Variants in ASCC3 observed in about 807,000 individuals in gnomAD.
ASCC3 encodes the protein ASC-1 complex subunit P200.
In ASCC3, 158 loss-of-function variants were observed where a neutral mutation model predicts 256.3. The observed-to-expected ratio is 0.62, with a 90% CI of 0.54 to 0.70. The LOEUF (loss-of-function observed/expected upper bound fraction) is 0.70, where lower values mean the gene tolerates loss of function less well. ASCC3 is among the 30% of genes least tolerant of loss of function. The pLI is 0.00. For missense variants in ASCC3, 2,259 were observed against 2,626.0 expected, an observed-to-expected ratio of 0.86 and a Z score of 3.05; for synonymous variants, 948 against 883.4, an observed-to-expected ratio of 1.07 and a Z score of -1.30.
intron 30 of ASCC3, among the ~76,000 whole-genome samples, chr6:100,613,624 T>C (rs998068578): frequency 4.1e-4 from 62 of 152,306 alleles, no homozygotes; most frequent in African/African-American, 1.5e-3. Context: ...TTGTGAATAG[T>C]GCTGCAATAA....
chr6:100,755,366 C>CTTTTTTT (rs56147910), intron 10 of ASCC3, among the ~76,000 whole-genome samples: 1 of 149,064 alleles, frequency 6.7e-6, no homozygotes, highest in Non-Finnish European at 1.5e-5. Context: ...TGTGCTTCCT[C>CTTTTTTT]TTTTTTTTTT....
chr6:100,746,236 T>A (rs971944557), intron 10 of ASCC3, among the ~76,000 whole-genome samples: 11 of 149,734 alleles, frequency 7.3e-5, no homozygotes, highest in African/African-American at 2.7e-4. Flanking sequence ...TCAATCCCGG[T>A]GATCTACTCC....
At position 100,731,321 on chromosome 6, in the gene ASCC3, C is replaced by A. The variant is rs150811661; in HGVS notation, c.1738-5618G>T. Reference sequence around the variant, plus strand: ...TTCTTTGTGTTAAGACATTTTTCATCAATCTCAGAATATACATACTGAAGT... The same window carrying A: ...TTCTTTGTGTTAAGACATTTTTCATAAATCTCAGAATATACATACTGAAGT... On this transcript the variant is annotated intron_variant, in intron 10 of 41. Transcript: ENST00000369162. Among the ~76,000 whole-genome samples the A allele has an allele frequency of 4.8e-3, 731 of 152,272 alleles. 3 individuals are homozygous for A. Among genetic ancestry groups the A allele is most frequent in the Non-Finnish European group, 8.1e-3 (554 of 68,016 alleles).
intron 41 of ASCC3, 76 bp downstream of exon 41, chr6:100,509,856 C>T: frequency 6.8e-7 from 1 of 1,469,270 alleles, no homozygotes; most frequent in Non-Finnish European, 9.4e-7. Context: ...CCACTGCACT[C>T]CAGCCTGGGC....
In ASCC3 at chr6:100,557,516, A is replaced by AT. The variant is rs898149995; in HGVS notation, c.5551-17130dup. Among the ~76,000 whole-genome samples the AT allele has an allele frequency of 4.3e-4, 65 of 151,508 alleles. 2 individuals carry two copies. In the East Asian group the frequency reaches 7.8e-3, roughly 18 times the overall value. On this transcript the variant is annotated intron_variant, in intron 36 of 41. Transcript: ENST00000369162. Reference sequence around the variant, plus strand: ...CGTTTGCCTTGTCTCTATTAAAATGATTTTTTTTTGTTTAAAGTCTATTTT... The same window carrying AT: ...CGTTTGCCTTGTCTCTATTAAAATGATTTTTTTTTTGTTTAAAGTCTATTTT...
intron 40 of ASCC3, among the ~76,000 whole-genome samples, chr6:100,512,249 T>G (rs1029298606): frequency 6.6e-6 from 1 of 152,228 alleles, no homozygotes; most frequent in African/African-American, 2.4e-5. Flanking sequence ...CAGTCTCATC[T>G]ACATCTAGCC....
intron 14 of ASCC3, among the ~76,000 whole-genome samples, chr6:100,670,233 A>T (rs11756783): frequency 0.35 from 52,696 of 151,346 alleles, 10,823 homozygotes; most frequent in Middle Eastern, 0.52. Context: ...TTAATCTGTT[A>T]TAAACTTAAA....
chr6:100,691,993 C>G (rs903835717), intron 13 of ASCC3, among the ~76,000 whole-genome samples: 5 of 151,962 alleles, frequency 3.3e-5, no homozygotes, highest in African/African-American at 1.2e-4. Flanking sequence ...TAGGAAGACA[C>G]CTGGCACATG....
intron 34 of ASCC3, among the ~76,000 whole-genome samples, chr6:100,596,630 C>T (rs1772315116): frequency 1.3e-5 from 2 of 152,126 alleles, no homozygotes; most frequent in Admixed American, 6.6e-5. Flanking sequence ...TTTCTCTTTG[C>T]TATCATTCTC....
chr6:100,656,441 ACT>A (rs1775919262), intron 16 of ASCC3, among the ~76,000 whole-genome samples: 1 of 151,732 alleles, frequency 6.6e-6, no homozygotes, highest in African/African-American at 2.4e-5. Context: ...ATTTTAACAA[ACT>A]CATGTACAAG....
chr6:100,806,026 A>C (rs1770164315), intron 4 of ASCC3, 146 bp from the exon 5 acceptor site: 1 of 693,782 alleles, frequency 1.4e-6, no homozygotes, highest in Admixed American at 3.1e-5. Context: ...CCTTAAACTA[A>C]GAAAAATGAC....
Position 100,606,864 on chromosome 6 carries a change from A to C in ASCC3, c.4924-4T>G. On this transcript the variant is annotated splice_region_variant and splice_polypyrimidine_tract_variant and intron_variant, in intron 31 of 41. Coordinates refer to ENST00000369162, the MANE Select transcript of ASCC3 (RefSeq NM_006828.4). Reference sequence around the variant, plus strand: ...ATGTGCTTGTAGCAATAAGAACCTAAAAAGCAAAATAAAATATCTTATATC... The same window carrying C: ...ATGTGCTTGTAGCAATAAGAACCTACAAAGCAAAATAAAATATCTTATATC... 6.2e-7 allele frequency: 1 copy of C among 1,611,358 alleles called. No individual in the cohort carries two copies. The highest frequency in any genetic ancestry group is 8.5e-7 in the Non-Finnish European group (1 of 1,178,754).
At chr6:100,796,682 C>G (rs1769633127) in intron 8 of ASCC3, among the ~76,000 whole-genome samples, 2 of 152,108 alleles carry the variant, frequency 1.3e-5, no homozygotes, top group African/African-American at 4.8e-5. Context: ...GAAATCCTCA[C>G]CAGAAACAAA....
chr6:100,869,864 T>C (rs1339067409), intron 1 of ASCC3, among the ~76,000 whole-genome samples: 2 of 151,822 alleles, frequency 1.3e-5, no homozygotes, highest in African/African-American at 4.8e-5. Context: ...AAATATCAGA[T>C]CAGACAAAAT....
Position 100,589,722 on chromosome 6 carries a change from T to A in ASCC3, c.5462A>T (p.Tyr1821Phe). ...AACTGTTTGATGCTTCAAATAGTAATAGGAGGCAATTCGGCCATAAGTTAG... is the reference window on the plus strand; with the variant it reads ...AACTGTTTGATGCTTCAAATAGTAAAAGGAGGCAATTCGGCCATAAGTTAG... ...EPLTYGRIAS[Y>F]YYLKHQTVKM... Residue 1821 changes from tyrosine (Y) to phenylalanine (F), a missense_variant, in exon 36 of 42, where the codon TAT (tyrosine) becomes TTT (phenylalanine). Transcript: ENST00000369162. The A allele has an allele frequency of 6.2e-7, 1 of 1,613,796 alleles. No homozygotes were observed. Among genetic ancestry groups the A allele is most frequent in the East Asian group, 2.2e-5 (1 of 44,846 alleles).
chr6:100,674,208 T>C (rs1239146026), intron 14 of ASCC3, among the ~76,000 whole-genome samples: 1 of 152,048 alleles, frequency 6.6e-6, no homozygotes, highest in Non-Finnish European at 1.5e-5. Flanking sequence ...TCTCAAATCA[T>C]CTTCAGAATT....
At chr6:100,710,414 G>A (rs947389449) in intron 13 of ASCC3, among the ~76,000 whole-genome samples, 1 of 152,096 alleles carries the variant, frequency 6.6e-6, no homozygotes, top group Non-Finnish European at 1.5e-5. Flanking sequence ...TTCTAACCAT[G>A]CACAACTACT....
chr6:100,824,587 T>C (rs368805881), intron 4 of ASCC3, among the ~76,000 whole-genome samples: 26 of 152,310 alleles, frequency 1.7e-4, no homozygotes, highest in African/African-American at 5.1e-4. Flanking sequence ...AATGTCAATA[T>C]TGAGATCAGC....
intron 22 of ASCC3, among the ~76,000 whole-genome samples, chr6:100,644,648 C>A (rs1159173944): frequency 1.3e-5 from 2 of 152,142 alleles, no homozygotes; most frequent in African/African-American, 4.8e-5. Context: ...TCTTGTTCAG[C>A]AAGCATCTCT....
Sources: gnomAD v4.1 joint callset for allele counts (sites outside exome capture counted in the v4.1 genomes callset) on GRCh38, gnomAD v4.1.1 for gene constraint, MANE v1.5 for transcripts, NCBI Gene and HGNC (gene_info 2026-07-23, HGNC 2026-07-21) for gene names.